KIF14: variants seen among roughly 807,000 people sequenced by gnomAD.
The protein encoded by KIF14 is kinesin family member 14.
A neutral mutation model predicts 176.2 loss-of-function variants in KIF14; 98 were observed. That is an observed-to-expected ratio of 0.56 (90% CI 0.47 to 0.66). KIF14 has a LOEUF of 0.66. Ranked by LOEUF, KIF14 falls within the 30% of genes least tolerant of loss-of-function variation. The pLI is 0.00. For missense variants in KIF14, 1,751 were observed against 1,920.4 expected (o/e 0.91, Z 1.65); for synonymous variants, 566 against 632.2 (o/e 0.90, Z 1.57).
intron 27 of KIF14, among the ~76,000 whole-genome samples, chr1:200,557,001 A>C (rs994417290): frequency 2.0e-5 from 3 of 151,218 alleles, no homozygotes; most frequent in African/African-American, 7.3e-5. Context: ...TTTATTTTTT[A>C]TTTATTTATT....
chr1:200,566,592 C>CA (rs35965593), intron 23 of KIF14, among the ~76,000 whole-genome samples: 26,375 of 135,528 alleles, frequency 0.19, 3,072 homozygotes, highest in African/African-American at 0.34. Flanking sequence ...GACTCTGTCT[C>CA]AAAAAAAAAA....
intron 27 of KIF14, among the ~76,000 whole-genome samples, chr1:200,557,745 A>C (rs139431084): frequency 6.6e-6 from 1 of 152,332 alleles, no homozygotes. Flanking sequence ...ACAACAACAA[A>C]AAAACTAACT....
chr1:200,554,846 G>C (rs1175413553), intron 28 of KIF14, among the ~76,000 whole-genome samples: 2 of 151,998 alleles, frequency 1.3e-5, no homozygotes, highest in Admixed American at 6.6e-5. Flanking sequence ...CATGAGAATG[G>C]AATAAAGTAA....
intron 16 of KIF14, 55 bp downstream of exon 16, chr1:200,592,025 C>T (rs1036027984): frequency 2.1e-6 from 3 of 1,423,702 alleles, no homozygotes; most frequent in African/African-American, 2.9e-5. Context: ...ATGTGATTAA[C>T]TCTGTTGTAG....
intron 5 of KIF14, 112 bp downstream of exon 5, chr1:200,608,718 T>C (rs1660010026): frequency 1.5e-6 from 1 of 650,078 alleles, no homozygotes. Flanking sequence ...AAGCATTTGC[T>C]TTCATATAAT....
At chr1:200,594,284 C>T (rs182239605) in intron 14 of KIF14, among the ~76,000 whole-genome samples, 49 of 149,436 alleles carry the variant, frequency 3.3e-4, no homozygotes, top group Non-Finnish European at 5.8e-4. Flanking sequence ...TCTAGCAATC[C>T]GATCCACCTG....
In KIF14 at chr1:200,552,923, ATTTATTT is replaced by A. The variant is rs1656615088; in HGVS notation, c.*458_*464del. On this transcript the variant is annotated 3_prime_UTR_variant, in exon 30 of 30. Coordinates refer to ENST00000367350, the MANE Select transcript of KIF14 (RefSeq NM_014875.3). ...TTAAAGATAAAAATATATTTTATTT[ATTTATTT>A]ATTTATTTATTTATTTATTTATTTA... The A allele has an allele frequency of 1.1e-4, 1 of 9,066 alleles. No homozygotes were observed. The highest frequency in any genetic ancestry group is 2.1e-4 in the Non-Finnish European group (1 of 4,818). The allele number at this position is 9,066 out of a possible 1,614,324, so 0.6% of individuals were successfully genotyped here.
At chr1:200,607,715 T>G (rs1382762501) in intron 5 of KIF14, among the ~76,000 whole-genome samples, 3 of 152,206 alleles carry the variant, frequency 2.0e-5, no homozygotes, top group African/African-American at 7.2e-5. Flanking sequence ...CTTCCTTTTT[T>G]TTCTTGAAAT....
At chr1:200,557,244 C>T (rs767158392) in intron 27 of KIF14, among the ~76,000 whole-genome samples, 13 of 152,224 alleles carry the variant, frequency 8.5e-5, no homozygotes, top group South Asian at 6.2e-4. Flanking sequence ...TCTCGTGATC[C>T]GCCCACCTTG....
intron 21 of KIF14, among the ~76,000 whole-genome samples, chr1:200,575,906 CA>C (rs547493665): frequency 4.4e-4 from 67 of 151,806 alleles, no homozygotes; most frequent in Non-Finnish European, 8.7e-4. Context: ...TTAATAAAAA[CA>C]ATAGAAATCA....
chr1:200,565,349 T>C lies in KIF14; in HGVS notation c.3886+96A>G, dbSNP rs557310453. ...TAAAACATTTAACACAGTTAAAAGA[T>C]GCATGCCAGATGTGCCAAATAATCA... On this transcript the variant is annotated intron_variant, in intron 24 of 29. Transcript: ENST00000367350. 84 of 1,408,078 alleles carry C rather than the reference T, an allele frequency of 6.0e-5. No individual in the cohort carries two copies. In the Middle Eastern group the frequency reaches 1.0e-3, roughly 17 times the overall value. The allele number at this position is 1,408,078 out of a possible 1,614,324, so 87.2% of individuals were successfully genotyped here.
chr1:200,554,446 A>G, intron 29 of KIF14, 22 bp downstream of exon 29: 2 of 1,445,568 alleles, frequency 1.4e-6, no homozygotes, highest in Non-Finnish European at 1.9e-6. Context: ...TCTGATTATA[A>G]ACTCCATTTG....
chr1:200,576,038 C>T (rs570832435), intron 21 of KIF14, among the ~76,000 whole-genome samples: 4 of 151,958 alleles, frequency 2.6e-5, no homozygotes, highest in African/African-American at 4.8e-5. Context: ...ACTTCCTGGT[C>T]GAATATATTG....
intron 22 of KIF14, among the ~76,000 whole-genome samples, chr1:200,573,071 C>T (rs533410547): frequency 1.3e-5 from 2 of 152,226 alleles, no homozygotes; most frequent in South Asian, 2.1e-4. Flanking sequence ...GCCCACCCAC[C>T]GTAATAGGAG....
At chr1:200,619,509 T>A (rs933782518) in intron 1 of KIF14, among the ~76,000 whole-genome samples, 1 of 152,004 alleles carries the variant, frequency 6.6e-6, no homozygotes, top group African/African-American at 2.4e-5. Context: ...CCCACCACCA[T>A]GCCCAGCTAA....
chr1:200,578,266 T>C (rs1001170677), intron 21 of KIF14, among the ~76,000 whole-genome samples: 5 of 152,130 alleles, frequency 3.3e-5, no homozygotes, highest in Admixed American at 3.3e-4. Context: ...CTTTCCTTTG[T>C]TTTATTTTGT....
Position 200,593,734 on chromosome 1 carries a change from A to G in KIF14, c.2585T>C (p.Ile862Thr). Residue 862 changes from isoleucine (I) to threonine (T), a missense_variant, in exon 15 of 30, where the codon ATC becomes ACC. Physicochemically the swap from Ile to Thr is moderately conservative, Grantham distance 89. Transcript: ENST00000367350. Reference protein sequence around the residue: ...IKNFGGTVSIIPVGEAKTYVN... With the variant: ...IKNFGGTVSITPVGEAKTYVN... ...ATATGTCTTTGCTTCCCCAACTGGG[A>G]TAATACTCACTGTCCCACCAAAATT... The G allele has an allele frequency of 6.2e-7, 1 of 1,612,714 alleles. No individual in the cohort carries two copies. The highest frequency in any genetic ancestry group is 8.5e-7 in the Non-Finnish European group (1 of 1,179,062).
intron 21 of KIF14, among the ~76,000 whole-genome samples, chr1:200,576,405 G>A (rs1276554250): frequency 6.6e-6 from 1 of 151,168 alleles, no homozygotes; most frequent in Non-Finnish European, 1.5e-5. Context: ...GTGAACCCGG[G>A]AGGCGGAGCT....
chr1:200,578,697 A>T (rs1001677598), intron 21 of KIF14, among the ~76,000 whole-genome samples: 2 of 152,220 alleles, frequency 1.3e-5, no homozygotes, highest in Non-Finnish European at 2.9e-5. Context: ...AAACCAACAA[A>T]AAGATGATAT....
Sources: allele counts gnomAD v4.1 joint callset (sites outside exome capture counted in the v4.1 genomes callset), GRCh38; gene constraint gnomAD v4.1.1; transcripts MANE v1.5; gene names NCBI Gene and HGNC (gene_info 2026-07-23, HGNC 2026-07-21).